The following CADPS variants were observed in gnomAD, a reference collection of about 807,000 sequenced individuals.
CADPS encodes the protein calcium-dependent secretion activator 1.
CADPS carries 57 observed loss-of-function variants against 167.3 expected under a neutral mutation model. The observed-to-expected ratio is 0.34, with a 90% CI of 0.28 to 0.42. CADPS has a LOEUF of 0.42. Among genes scored for constraint, CADPS ranks in the 20% least tolerant of loss-of-function variants. The pLI is 1.00. For missense variants in CADPS, 1,414 were observed against 1,738.1 expected (o/e 0.81, Z 3.32); for synonymous variants, 676 against 635.3 (o/e 1.06, Z -0.96).
Position 62,591,753 on chromosome 3 carries a change from G to A in CADPS, c.1437+884C>T, listed in dbSNP as rs143164417. Reference sequence around the variant, plus strand: ...TAAGGGGGTTGGTACCACCTCTCAGGGATGTCTCAGAAATTTTCATGATGT... The same window carrying A: ...TAAGGGGGTTGGTACCACCTCTCAGAGATGTCTCAGAAATTTTCATGATGT... On this transcript the variant is annotated intron_variant, in intron 7 of 29. Transcript: ENST00000383710. Among the ~76,000 whole-genome samples the A allele has an allele frequency of 2.4e-3, 368 of 152,178 alleles. 2 individuals carry two copies. The highest frequency in any genetic ancestry group is 8.4e-3 in the African/African-American group (350 of 41,510).
intron 24 of CADPS, among the ~76,000 whole-genome samples, chr3:62,469,496 C>T (rs569909268): frequency 6.6e-6 from 1 of 152,140 alleles, no homozygotes; most frequent in East Asian, 1.9e-4. Context: ...ACCATTTTCC[C>T]ATTTTCCAGT....
At chr3:62,413,792 T>C (rs2049460580) in intron 28 of CADPS, among the ~76,000 whole-genome samples, 1 of 151,756 alleles carries the variant, frequency 6.6e-6, no homozygotes, top group Admixed American at 6.6e-5. Flanking sequence ...AGATGGGAAA[T>C]AAAAATCACT....
rs1478306055 is a variant in CADPS at position 62,433,961 on chromosome 3, C to A, written c.3777+4143G>T. Among the ~76,000 whole-genome samples, 1 of 152,150 alleles carries A rather than the reference C, an allele frequency of 6.6e-6. No individual in the cohort carries two copies. Among genetic ancestry groups the A allele is most frequent in the African/African-American group, 2.4e-5 (1 of 41,450 alleles). ...TTAAATCACTGTCTTCAAGTTATTT[C>A]TTGAGCTTGTGCTTTCCTCTGTAGC... is the stretch of plus-strand genomic sequence containing the variant. On this transcript the variant is annotated intron_variant, in intron 28 of 29. Coordinates refer to ENST00000383710, the MANE Select transcript of CADPS (RefSeq NM_003716.4). The surrounding 1 kb of genome is among the most constrained non-coding windows in gnomAD (Gnocchi z 4.7).
At chr3:62,770,980 G>C (rs2088553900) in intron 1 of CADPS, among the ~76,000 whole-genome samples, 1 of 151,990 alleles carries the variant, frequency 6.6e-6, no homozygotes, top group Admixed American at 6.6e-5. Flanking sequence ...CTCACTGCTG[G>C]GTAGTATCCC....
intron 1 of CADPS, among the ~76,000 whole-genome samples, chr3:62,842,194 G>C (rs113204676): frequency 6.6e-6 from 1 of 152,158 alleles, no homozygotes; most frequent in South Asian, 2.1e-4. Flanking sequence ...TCTAACAACA[G>C]TTACCAGTGC....
chr3:62,639,822 A>G lies in CADPS; in HGVS notation c.1325+5900T>C, dbSNP rs537199785. Among the ~76,000 whole-genome samples the G allele has an allele frequency of 5.9e-5, 9 of 152,102 alleles. No homozygotes were observed. In the South Asian group the frequency reaches 1.2e-3, roughly 21 times the overall value. On this transcript the variant is annotated intron_variant, in intron 6 of 29. Coordinates refer to ENST00000383710, the MANE Select transcript of CADPS (RefSeq NM_003716.4). ...CTCTCCCTGTAAACACTCTCCCTCA[A>G]TGACTAATTTCTAGGCACATTGTTC... is the stretch of plus-strand genomic sequence containing the variant.
At chr3:62,593,257 C>A (rs969156821) in intron 6 of CADPS, among the ~76,000 whole-genome samples, 49 of 152,102 alleles carry the variant, frequency 3.2e-4, no homozygotes, top group African/African-American at 1.2e-3. Context: ...GATTATGGAG[C>A]TCCACCCTGT....
intron 18 of CADPS, among the ~76,000 whole-genome samples, chr3:62,495,563 C>T (rs867688352): frequency 6.6e-6 from 1 of 152,132 alleles, no homozygotes; most frequent in Non-Finnish European, 1.5e-5. Context: ...AAATACTTAC[C>T]CAGAGCTTTT....
intron 9 of CADPS, among the ~76,000 whole-genome samples, chr3:62,567,929 G>A (rs2080575456): frequency 6.6e-6 from 1 of 152,082 alleles, no homozygotes; most frequent in African/African-American, 2.4e-5. Context: ...GCTCTTTAAA[G>A]TGGATACCAG....
chr3:62,749,809 C>T (rs1324327802), intron 3 of CADPS, among the ~76,000 whole-genome samples: 1 of 152,164 alleles, frequency 6.6e-6, no homozygotes, highest in Non-Finnish European at 1.5e-5. Flanking sequence ...CTGCTGTGGT[C>T]AGTCTGAGGC....
intron 1 of CADPS, among the ~76,000 whole-genome samples, chr3:62,850,602 C>G (rs1301913509): frequency 6.9e-6 from 1 of 144,414 alleles, no homozygotes; most frequent in Non-Finnish European, 1.5e-5. Context: ...GATTCTTAAT[C>G]CTGAGTTCTA....
At chr3:62,840,810 C>G (rs2076547467) in intron 1 of CADPS, among the ~76,000 whole-genome samples, 1 of 152,140 alleles carries the variant, frequency 6.6e-6, no homozygotes, top group African/African-American at 2.4e-5. Context: ...TAAGCACTGA[C>G]AATTATTCAA....
At position 62,874,339 on chromosome 3, in the gene CADPS, G is replaced by C. The variant is rs1034756652; in HGVS notation, c.441+250C>G. 1.3e-5 allele frequency among the ~76,000 whole-genome samples: 2 copies of C among 152,148 alleles called. No individual in the cohort carries two copies. Among genetic ancestry groups the C allele is most frequent in the African/African-American group, 4.8e-5 (2 of 41,458 alleles). ...CTCACCAACGCTCCCGGGCTGGGGG[G>C]GCTCGAGCAAGCGGCGCTGCGCTCC... On this transcript the variant is annotated intron_variant, in intron 1 of 29. Transcript: ENST00000383710. The surrounding 1 kb of genome is among the most constrained non-coding windows in gnomAD (Gnocchi z 7.1).
intron 7 of CADPS, among the ~76,000 whole-genome samples, chr3:62,585,882 T>G (rs558407116): frequency 2.6e-5 from 4 of 152,212 alleles, no homozygotes; most frequent in Non-Finnish European, 5.9e-5. Flanking sequence ...GGAAATCTTA[T>G]CACACAACAT....
intron 21 of CADPS, 65 bp from the exon 22 acceptor site, chr3:62,481,934 A>C: frequency 6.8e-7 from 1 of 1,478,710 alleles, no homozygotes; most frequent in South Asian, 1.2e-5. Flanking sequence ...TGGCAGAAGC[A>C]CACGACAATT....
intron 3 of CADPS, among the ~76,000 whole-genome samples, chr3:62,719,481 AC>A (rs1342198408): frequency 6.6e-6 from 1 of 152,324 alleles, no homozygotes; most frequent in East Asian, 1.9e-4. Context: ...TCAGTGTACA[AC>A]TATAAACTCC....
chr3:62,582,165 G>T (rs1182596103), intron 8 of CADPS, among the ~76,000 whole-genome samples: 4 of 152,162 alleles, frequency 2.6e-5, no homozygotes, highest in African/African-American at 4.8e-5. Context: ...TGCTTTTTCG[G>T]CAGGGCGCGG....
chr3:62,679,740 C>T (rs2076860393), intron 3 of CADPS, among the ~76,000 whole-genome samples: 1 of 151,986 alleles, frequency 6.6e-6, no homozygotes, highest in South Asian at 2.1e-4. Context: ...ACAGAAGAGG[C>T]AGGGAGGTTA....
chr3:62,464,576 C>A (rs1307775918), intron 26 of CADPS, among the ~76,000 whole-genome samples: 2 of 152,200 alleles, frequency 1.3e-5, no homozygotes, highest in African/African-American at 4.8e-5. Context: ...CAACCATCTT[C>A]ATTGATCATT....
Sources: gnomAD v4.1 joint callset for allele counts (sites outside exome capture counted in the v4.1 genomes callset) on GRCh38, gnomAD v4.1.1 for gene constraint, Gnocchi (gnomAD v3.1) non-coding constraint, MANE v1.5 for transcripts, NCBI Gene and HGNC (gene_info 2026-07-23, HGNC 2026-07-21) for gene names.